The following CYP7B1 variants were observed in gnomAD, a reference collection of about 807,000 sequenced individuals.
The protein encoded by CYP7B1 is cytochrome P450 7B1.
A neutral mutation model predicts 42.7 loss-of-function variants in CYP7B1; 29 were observed. That is an observed-to-expected ratio of 0.68 (90% CI 0.51 to 0.93). The LOEUF (loss-of-function observed/expected upper bound fraction) is 0.93, where lower values mean the gene tolerates loss of function less well. CYP7B1 is among the 40% of genes least tolerant of loss of function. The pLI is 0.00. For synonymous variants in CYP7B1, 235 were observed against 218.2 expected, an observed-to-expected ratio of 1.08 and a Z score of -0.68; for missense variants, 655 against 600.5, an observed-to-expected ratio of 1.09 and a Z score of -0.95.
chr8:64,650,587 G>A, intron 1 of CYP7B1, among the ~76,000 whole-genome samples: 1 of 152,142 alleles, frequency 6.6e-6, no homozygotes, highest in Non-Finnish European at 1.5e-5. Context: ...GGCAGAGGTT[G>A]CAGTGAGCCT....
chr8:64,664,173 G>T (rs1354550431), intron 1 of CYP7B1, among the ~76,000 whole-genome samples: 2 of 152,128 alleles, frequency 1.3e-5, no homozygotes, highest in African/African-American at 2.4e-5. Context: ...GGGTGCATGG[G>T]TGTGCACACA....
At chr8:64,589,477 C>T (rs983593754), downstream of CYP7B1, among the ~76,000 whole-genome samples, 1 of 152,056 alleles carries the variant, frequency 6.6e-6, no homozygotes, top group Non-Finnish European at 1.5e-5. Context: ...ATACTTTTAA[C>T]GGTATTCCAT....
In CYP7B1 at chr8:64,615,075, T is replaced by A. The variant is rs1229194379; in HGVS notation, c.1008A>T (p.Gly336=). Residue 336 remains glycine (G), a synonymous_variant, in exon 4 of 6, where the codon GGA becomes GGT. Transcript: ENST00000310193. The part of the protein sequence containing the change: ...LQSTGQKKGS[G]FPIHLTREQL... ...GTTCTCTGGTGAGGTGGATGGGAAA[T>A]CCAGACCCTTTCTTTTGACCTGTTG... 5.0e-6 allele frequency: 8 copies of A among 1,613,680 alleles called. No individual in the cohort carries two copies. In the Admixed American group the frequency reaches 1.3e-4, roughly 27 times the overall value.
chr8:64,650,985 C>G (rs1397912198), intron 1 of CYP7B1, among the ~76,000 whole-genome samples: 3 of 152,144 alleles, frequency 2.0e-5, no homozygotes, highest in Non-Finnish European at 4.4e-5. Context: ...AATGTACTTG[C>G]AAGTGCTGAC....
intron 1 of CYP7B1, among the ~76,000 whole-genome samples, chr8:64,771,045 A>ATTTTTT (rs1308107007): frequency 7.4e-5 from 3 of 40,544 alleles, no homozygotes; most frequent in East Asian, 5.5e-4. Flanking sequence ...GGATATCAGC[A>ATTTTTT]TCTTTTTTTT....
Position 64,693,723 on chromosome 8 carries a change from A to G in CYP7B1, c.123-69184T>C, listed in dbSNP as rs1441683269. On this transcript the variant is annotated intron_variant, in intron 1 of 5. Coordinates refer to ENST00000310193, the MANE Select transcript of CYP7B1 (RefSeq NM_004820.5). The stretch of plus-strand genomic sequence containing the variant: ...CAAGAGCATTCAAGAGAAATACATG[A>G]TTAAATAAATGGAGAACCATGCAAT... 2.6e-5 allele frequency among the ~76,000 whole-genome samples: 4 copies of G among 152,304 alleles called. No homozygotes were observed. In the East Asian group the frequency reaches 7.7e-4, roughly 29 times the overall value.
intron 1 of CYP7B1, among the ~76,000 whole-genome samples, chr8:64,762,409 T>C (rs1209783872): frequency 6.6e-6 from 1 of 152,180 alleles, no homozygotes; most frequent in Non-Finnish European, 1.5e-5. Context: ...TATTAACAAC[T>C]AGCACCCATT....
At chr8:64,597,967 G>A (rs1302712183) in intron 5 of CYP7B1, among the ~76,000 whole-genome samples, 1 of 152,118 alleles carries the variant, frequency 6.6e-6, no homozygotes, top group South Asian at 2.1e-4. Flanking sequence ...TGCAATATGT[G>A]GATAGATTCT....
At chr8:64,711,867 A>C (rs980002119) in intron 1 of CYP7B1, among the ~76,000 whole-genome samples, 2 of 152,238 alleles carry the variant, frequency 1.3e-5, no homozygotes, top group Non-Finnish European at 2.9e-5. Flanking sequence ...GTCTTATTAT[A>C]GCACTTTCAA....
intron 1 of CYP7B1, among the ~76,000 whole-genome samples, chr8:64,698,653 A>G (rs2129632380): frequency 6.6e-6 from 1 of 152,314 alleles, no homozygotes; most frequent in Admixed American, 6.5e-5. Flanking sequence ...TAGAAGAGTC[A>G]ACCAGGAAAA....
chr8:64,619,445 T>C (rs779484725), intron 2 of CYP7B1, among the ~76,000 whole-genome samples: 6 of 152,204 alleles, frequency 3.9e-5, no homozygotes, highest in Admixed American at 1.3e-4. Context: ...ATATGAAATA[T>C]TGATTTAAAG....
intron 1 of CYP7B1, among the ~76,000 whole-genome samples, chr8:64,686,141 G>A (rs1806637302): frequency 1.0e-5 from 1 of 98,412 alleles, no homozygotes; most frequent in Non-Finnish European, 2.2e-5. Context: ...GCCCCGTCTG[G>A]GAGGTGAGGG....
chr8:64,621,517 GC>G (rs1805529092), intron 2 of CYP7B1, among the ~76,000 whole-genome samples: 1 of 152,084 alleles, frequency 6.6e-6, no homozygotes, highest in Admixed American at 6.5e-5. Context: ...AAACCCAGAG[GC>G]CCCACCAGGT....
At chr8:64,607,106 G>C (rs1033245765) in intron 4 of CYP7B1, among the ~76,000 whole-genome samples, 8 of 152,148 alleles carry the variant, frequency 5.3e-5, no homozygotes, top group African/African-American at 1.7e-4. Flanking sequence ...TTCTGTGCTA[G>C]TGCCGAACAA....
intron 1 of CYP7B1, among the ~76,000 whole-genome samples, chr8:64,788,942 A>G (rs1171304374): frequency 6.6e-6 from 1 of 152,100 alleles, no homozygotes; most frequent in African/African-American, 2.4e-5. Context: ...TTATTTTCAG[A>G]TGCAGTCTCA....
At chr8:64,676,270 G>A (rs1212617430) in intron 1 of CYP7B1, among the ~76,000 whole-genome samples, 2 of 152,068 alleles carry the variant, frequency 1.3e-5, no homozygotes, top group Non-Finnish European at 2.9e-5. Flanking sequence ...ATTGGACAAA[G>A]TGCTTTAGTC....
intron 1 of CYP7B1, among the ~76,000 whole-genome samples, chr8:64,765,226 A>T (rs1807953878): frequency 6.6e-6 from 1 of 152,222 alleles, no homozygotes; most frequent in African/African-American, 2.4e-5. Flanking sequence ...TTTCAACAAA[A>T]GTAAAGTTTG....
At chr8:64,753,426 T>C (rs955784804) in intron 1 of CYP7B1, among the ~76,000 whole-genome samples, 1 of 152,252 alleles carries the variant, frequency 6.6e-6, no homozygotes. Context: ...CAAGTATATG[T>C]AGACGTTCTT....
intron 1 of CYP7B1, among the ~76,000 whole-genome samples, chr8:64,761,562 T>C (rs1453582026): frequency 6.6e-5 from 10 of 152,134 alleles, no homozygotes; most frequent in Non-Finnish European, 1.3e-4. Context: ...AAAATGTATA[T>C]ATATGTAAGT....
Sources: gnomAD v4.1 joint callset for allele counts (sites outside exome capture counted in the v4.1 genomes callset) on GRCh38, gnomAD v4.1.1 for gene constraint, MANE v1.5 for transcripts, NCBI Gene and HGNC (gene_info 2026-07-23, HGNC 2026-07-21) for gene names.